The following DDX31 variants were observed in gnomAD, a reference collection of about 807,000 sequenced individuals.
The protein encoded by DDX31 is DEAD-box helicase 31, also known as ATP-dependent DNA helicase DDX31.
A neutral mutation model predicts 91.3 loss-of-function variants in DDX31; 70 were observed. The ratio of observed to expected loss-of-function variants is 0.77; its 90% CI spans 0.63 to 0.94. The LOEUF is 0.94. Among genes scored for constraint, DDX31 ranks in the 40% least tolerant of loss-of-function variants. The pLI, the probability that DDX31 is intolerant of heterozygous loss-of-function variation, is 0.00. For missense variants in DDX31, 902 were observed against 925.0 expected, an observed-to-expected ratio of 0.98 and a Z score of 0.32; for synonymous variants, 362 against 350.6, an observed-to-expected ratio of 1.03 and a Z score of -0.36.
chr9:132,654,945 CAAAAA>C (rs140953433), intron 6 of DDX31, among the ~76,000 whole-genome samples: 1 of 90,222 alleles, frequency 1.1e-5, no homozygotes, highest in Non-Finnish European at 2.2e-5. Context: ...GACTCTGTCT[CAAAAA>C]AAAAAAAAAA....
chr9:132,659,016 G>A (rs902460207), intron 5 of DDX31, among the ~76,000 whole-genome samples: 1 of 152,176 alleles, frequency 6.6e-6, no homozygotes, highest in Non-Finnish European at 1.5e-5. Context: ...AAATTACACA[G>A]AAGCTCAACT....
chr9:132,609,018 T>C (rs950938260), intron 19 of DDX31, among the ~76,000 whole-genome samples: 1 of 152,174 alleles, frequency 6.6e-6, no homozygotes, highest in African/African-American at 2.4e-5. Flanking sequence ...AGGTAACTAC[T>C]GTATCCTCGA....
intron 19 of DDX31, among the ~76,000 whole-genome samples, chr9:132,597,385 C>G (rs867344469): frequency 3.2e-4 from 48 of 152,252 alleles, no homozygotes; most frequent in African/African-American, 1.1e-3. Flanking sequence ...TATTTTTAGT[C>G]AGGTTATGTG....
chr9:132,651,426 C>T (rs1316614713), intron 7 of DDX31, among the ~76,000 whole-genome samples: 3 of 151,966 alleles, frequency 2.0e-5, no homozygotes, highest in East Asian at 1.9e-4. Context: ...TGCACAAAAA[C>T]GTAAGAGAAT....
rs1268991994 is a variant in DDX31, at chr9:132,646,819, C to T, written c.1203+4G>A. 7.4e-6 allele frequency: 12 copies of T among 1,613,480 alleles called. No individual in the cohort carries two copies. The highest frequency in any genetic ancestry group is 8.5e-6 in the Non-Finnish European group (10 of 1,179,820). ...ATCAAGTCGGCTCTAGCCCACAGTC[C>T]CACCTTGCATTTCTGAAGGATGAAG... On this transcript the variant is annotated splice_donor_region_variant and intron_variant, in intron 12 of 19. Transcript: ENST00000372159.
chr9:132,649,358 G>T (rs1160827626), intron 9 of DDX31, among the ~76,000 whole-genome samples: 1 of 152,216 alleles, frequency 6.6e-6, no homozygotes, highest in Non-Finnish European at 1.5e-5. Flanking sequence ...GAGGGAGCAG[G>T]TATGAGCATC....
chr9:132,659,273 G>A (rs1834782080), intron 5 of DDX31, among the ~76,000 whole-genome samples: 2 of 152,146 alleles, frequency 1.3e-5, no homozygotes, highest in Admixed American at 6.5e-5. Flanking sequence ...GGCACATGAG[G>A]GTCAAAAAAG....
intron 6 of DDX31, among the ~76,000 whole-genome samples, chr9:132,657,880 A>G (rs983265583): frequency 6.6e-6 from 1 of 152,214 alleles, no homozygotes; most frequent in African/African-American, 2.4e-5. Flanking sequence ...AATTCTACAT[A>G]ATCTCAAAAA....
chr9:132,635,887 T>C (rs779072378), intron 14 of DDX31, among the ~76,000 whole-genome samples: 73 of 151,634 alleles, frequency 4.8e-4, no homozygotes, highest in Non-Finnish European at 9.3e-4. Flanking sequence ...GAGGGTGCAG[T>C]GAGCCAAGAT....
rs540997790 is a variant in DDX31 at position 132,663,193 on chromosome 9, C to T, written c.76-498G>A. 18 of 1,289,446 alleles carry T rather than the reference C, an allele frequency of 1.4e-5. No individual in the cohort carries two copies. The East Asian group carries it at 1.7e-4, about 12-fold the overall frequency. The allele number at this position is 1,289,446 out of a possible 1,614,324, so 79.9% of individuals were successfully genotyped here. On this transcript the variant is annotated intron_variant, in intron 1 of 19. Coordinates refer to ENST00000372159, the MANE Select transcript of DDX31 (RefSeq NM_022779.9). The stretch of plus-strand genomic sequence containing the variant: ...GCGAGGGGGAATGCGCATCTCAGCC[C>T]GTGCCCAGGAAGCGGAAACATTCAT...
intron 6 of DDX31, among the ~76,000 whole-genome samples, chr9:132,655,506 C>A (rs1322190315): frequency 1.3e-5 from 2 of 152,182 alleles, no homozygotes; most frequent in African/African-American, 4.8e-5. Flanking sequence ...AGAATTTCCC[C>A]AGGAGGATAT....
intron 17 of DDX31, among the ~76,000 whole-genome samples, chr9:132,622,555 T>C (rs1390806605): frequency 6.6e-6 from 1 of 152,128 alleles, no homozygotes; most frequent in African/African-American, 2.4e-5. Flanking sequence ...AGTGATCAAC[T>C]CCCTGGAGAG....
At chr9:132,599,781 C>G (rs759879714) in intron 19 of DDX31, among the ~76,000 whole-genome samples, 1 of 152,260 alleles carries the variant, frequency 6.6e-6, no homozygotes, top group African/African-American at 2.4e-5. Context: ...CTCCTCTAAT[C>G]TGAACGAGGC....
intron 6 of DDX31, chr9:132,658,073 C>T (rs1834682914): frequency 3.8e-6 from 2 of 523,688 alleles, no homozygotes; most frequent in Non-Finnish European, 6.8e-6. Context: ...CAGACTCAAG[C>T]ATGAATGGAT....
intron 19 of DDX31, among the ~76,000 whole-genome samples, chr9:132,605,165 T>C (rs912480839): frequency 6.6e-6 from 1 of 152,154 alleles, no homozygotes; most frequent in Non-Finnish European, 1.5e-5. Flanking sequence ...AACAATTCCT[T>C]CTTCCTTTCT....
intron 19 of DDX31, among the ~76,000 whole-genome samples, chr9:132,599,334 C>A (rs796108691): frequency 6.6e-6 from 1 of 152,180 alleles, no homozygotes; most frequent in African/African-American, 2.4e-5. Context: ...AGAGTTTAAC[C>A]ATAGCAGTCT....
chr9:132,601,004 G>A (rs1324340349), intron 19 of DDX31, among the ~76,000 whole-genome samples: 2 of 152,174 alleles, frequency 1.3e-5, no homozygotes, highest in East Asian at 3.8e-4. Context: ...TTAAGATGGA[G>A]AATACAGGGT....
chr9:132,638,052 C>G (rs951575259), intron 14 of DDX31: 39 of 1,221,482 alleles, frequency 3.2e-5, no homozygotes, highest in Non-Finnish European at 3.8e-5. Context: ...GAAAGCAGCA[C>G]AGGTGATTTA....
In DDX31 at chr9:132,638,275, C is replaced by T. The variant is rs190731201; in HGVS notation, c.1440+3729G>A. ...GTGGCTTAGAAACTCCATTTTCCGG[C>T]CATTCGGTGGTACTTCTTATCAACT... On this transcript the variant is annotated intron_variant, in intron 14 of 19. Coordinates refer to ENST00000372159, the MANE Select transcript of DDX31 (RefSeq NM_022779.9). 2.4e-4 allele frequency: 386 copies of T among 1,605,688 alleles called. 2 individuals are homozygous for T. In the East Asian group the frequency reaches 6.9e-3, roughly 29 times the overall value.
Sources: allele counts gnomAD v4.1 joint callset (sites outside exome capture counted in the v4.1 genomes callset), GRCh38; gene constraint gnomAD v4.1.1; transcripts MANE v1.5; gene names NCBI Gene and HGNC (gene_info 2026-07-23, HGNC 2026-07-21).